Variants in GUCY1A2 observed in about 807,000 individuals in gnomAD.
GUCY1A2 encodes the protein guanylate cyclase 1 soluble subunit alpha 2.
Under a neutral mutation model 63.5 loss-of-function variants are expected in GUCY1A2, and 27 were observed. That is an observed-to-expected ratio of 0.43 (90% CI 0.31 to 0.59). The LOEUF (loss-of-function observed/expected upper bound fraction) is 0.59, where lower values mean the gene tolerates loss of function less well. Ranked by LOEUF, GUCY1A2 falls within the 20% of genes least tolerant of loss-of-function variation. GUCY1A2 has a pLI of 0.11. For synonymous variants in GUCY1A2, 364 were observed against 343.5 expected (o/e 1.06, Z -0.66); for missense variants, 768 against 913.3 (o/e 0.84, Z 2.05).
Position 106,687,747 on chromosome 11 carries a change from T to C in GUCY1A2, c.2001A>G (p.Lys667=). 2 of 1,605,642 alleles carry C rather than the reference T, an allele frequency of 1.2e-6. No homozygotes were observed. The highest frequency in any genetic ancestry group is 1.1e-5 in the South Asian group (1 of 90,934). Reference sequence around the variant, plus strand: ...GAATGAATGTGAAACTTTCTTCTCGTTTTAATAATCTAAGAAGAAAATACA... The same window carrying C: ...GAATGAATGTGAAACTTTCTTCTCGCTTTAATAATCTAAGAAGAAAATACA... The part of the protein sequence containing the change: ...NVSPTTYQLL[K]REESFTFIPR... Residue 667 remains lysine (K), a synonymous_variant, in exon 8 of 8, where the codon AAA becomes AAG. Transcript: ENST00000526355.
intron 4 of GUCY1A2, among the ~76,000 whole-genome samples, chr11:106,869,260 G>T (rs1231417024): frequency 6.6e-6 from 1 of 152,122 alleles, no homozygotes; most frequent in African/African-American, 2.4e-5. Context: ...TGACAAATGG[G>T]ATCTAATTAA....
At position 106,687,718 on chromosome 11, in the gene GUCY1A2, C is replaced by T. The variant is rs1390362284; in HGVS notation, c.2030G>A (p.Arg677Gln). ...KREESFTFIP[R>Q]SREELPDNFP... Reference sequence around the variant, plus strand: ...GTTGTCTGGAAGCTCTTCACGAGACCGCGGAATGAATGTGAAACTTTCTTC... The same window carrying T: ...GTTGTCTGGAAGCTCTTCACGAGACTGCGGAATGAATGTGAAACTTTCTTC... Residue 677 changes from arginine to glutamine, a missense_variant, in exon 8 of 8, where the codon CGG becomes CAG. Arg to Gln is a conservative substitution (Grantham distance 43). Transcript: ENST00000526355. 2.5e-6 allele frequency: 4 copies of T among 1,612,704 alleles called. No homozygotes were observed. The highest frequency in any genetic ancestry group is 3.3e-5 in the Admixed American group (2 of 59,960).
intron 4 of GUCY1A2, among the ~76,000 whole-genome samples, chr11:106,917,782 G>A (rs1265838563): frequency 2.8e-5 from 3 of 108,016 alleles, no homozygotes; most frequent in Admixed American, 9.6e-5. Context: ...ATCACACACC[G>A]GGGCCTGTTG....
rs1405470064 is a variant in GUCY1A2 at position 106,685,834 on chromosome 11, G to A, written c.*1715C>T. 8.9e-6 allele frequency: 2 copies of A among 225,468 alleles called. No individual in the cohort carries two copies. Among genetic ancestry groups the A allele is most frequent in the East Asian group, 6.4e-5 (1 of 15,664 alleles). 14.0% of individuals were successfully genotyped at this position (225,468 alleles called of 1,614,324 possible). A position where few individuals can be genotyped will look rare whatever the true frequency, so the allele number is the denominator to read the frequency against. On this transcript the variant is annotated 3_prime_UTR_variant, in exon 8 of 8. Coordinates refer to ENST00000526355, the MANE Select transcript of GUCY1A2 (RefSeq NM_000855.3). ...CACTCGTGTCCTTGTAAACCCCCAGGGCAAGAAAATAACTCAAATTATAAA... is the reference window on the plus strand; with the variant it reads ...CACTCGTGTCCTTGTAAACCCCCAGAGCAAGAAAATAACTCAAATTATAAA...
chr11:106,809,926 T>C, intron 5 of GUCY1A2, 67 bp downstream of exon 5: 3 of 902,834 alleles, frequency 3.3e-6, no homozygotes, highest in Non-Finnish European at 4.9e-6. Flanking sequence ...AGTAAAAAAA[T>C]CAATTTAATT....
chr11:106,787,630 A>G (rs963592547), intron 5 of GUCY1A2, among the ~76,000 whole-genome samples: 3 of 109,486 alleles, frequency 2.7e-5, no homozygotes, highest in South Asian at 3.4e-4. Flanking sequence ...AGAGAAAAAG[A>G]AGGAAGTTTG....
At chr11:106,823,954 G>T in intron 4 of GUCY1A2, 2 of 507,952 alleles carry the variant, frequency 3.9e-6, no homozygotes, top group Non-Finnish European at 3.3e-6. Flanking sequence ...ATTATTTCAA[G>T]TCAATGTATT....
Position 106,687,669 on chromosome 11 carries a change from G to T in GUCY1A2, c.2079C>A (p.Ile693=). 1 of 1,613,034 alleles carries T rather than the reference G, an allele frequency of 6.2e-7. No homozygotes were observed. Among genetic ancestry groups the T allele is most frequent in the Non-Finnish European group, 8.5e-7 (1 of 1,179,014 alleles). Residue 693 remains isoleucine, a synonymous_variant, in exon 8 of 8, where the codon ATC becomes ATA. Transcript: ENST00000526355. ...CAGTCCTTACCTCCAGGAAATAGCA[G>T]ATCCCAGGAATTTCCTTTGGAAAGT... ...PDNFPKEIPG[I]CYFLEVRTGP...
intron 4 of GUCY1A2, among the ~76,000 whole-genome samples, chr11:106,851,380 T>C (rs1859353085): frequency 6.6e-6 from 1 of 151,908 alleles, no homozygotes; most frequent in Non-Finnish European, 1.5e-5. Context: ...CTATATTTCT[T>C]TTTTGTCACC....
chr11:106,935,957 G>T (rs1860671238), intron 4 of GUCY1A2, among the ~76,000 whole-genome samples: 1 of 151,968 alleles, frequency 6.6e-6, no homozygotes, highest in South Asian at 2.1e-4. Context: ...ATATTAGTTT[G>T]TCTAGGTTCA....
chr11:106,972,184 A>G (rs1414317550), intron 3 of GUCY1A2, among the ~76,000 whole-genome samples: 1 of 152,164 alleles, frequency 6.6e-6, no homozygotes, highest in Non-Finnish European at 1.5e-5. Context: ...AAAACTAAGG[A>G]TATTGAAATA....
rs752661539 is a variant in GUCY1A2, at chr11:107,017,874, G to A, written c.182C>T (p.Pro61Leu). Residue 61 changes from proline to leucine, a missense_variant, in exon 1 of 8, where the codon CCG (proline) becomes CTG (leucine). By Grantham distance (98) the Pro-to-Leu change is moderately conservative. Coordinates refer to ENST00000526355, the MANE Select transcript of GUCY1A2 (RefSeq NM_000855.3). ...AAAAAAAAPA[P>L]TPAASAAAAA... ...GGCGGCGGCAGAAGCAGCCGGGGTC[G>A]GGGCCGGGGCGGCGGCAGCGGCAGC... 9.6e-6 allele frequency: 12 copies of A among 1,248,576 alleles called. No individual in the cohort carries two copies. Among genetic ancestry groups the A allele is most frequent in the Non-Finnish European group, 1.0e-6 (1 of 994,422 alleles). The allele number at this position is 1,248,576 out of a possible 1,614,324, so 77.3% of individuals were successfully genotyped here.
intron 2 of GUCY1A2, among the ~76,000 whole-genome samples, chr11:106,979,548 A>G (rs1338047584): frequency 1.3e-5 from 2 of 151,850 alleles, no homozygotes; most frequent in African/African-American, 4.8e-5. Context: ...ACCATTTTCT[A>G]TCTGTGAGAT....
intron 3 of GUCY1A2, among the ~76,000 whole-genome samples, chr11:106,949,112 T>C (rs2120014043): frequency 6.6e-6 from 1 of 152,316 alleles, no homozygotes; most frequent in East Asian, 1.9e-4. Flanking sequence ...TGTGTGTAAG[T>C]TCATAATGCA....
chr11:106,781,047 T>C (rs1017095179), intron 5 of GUCY1A2, among the ~76,000 whole-genome samples: 1 of 150,328 alleles, frequency 6.7e-6, no homozygotes, highest in Non-Finnish European at 1.5e-5. Context: ...ATCAATTCCA[T>C]TGCTCCTGAG....
chr11:106,746,694 A>C (rs1391420435), intron 6 of GUCY1A2: 1 of 1,035,178 alleles, frequency 9.7e-7, no homozygotes, highest in East Asian at 2.4e-5. Flanking sequence ...AAAAATAAAA[A>C]ATCAGTACTG....
intron 4 of GUCY1A2, among the ~76,000 whole-genome samples, chr11:106,896,653 T>C (rs1408247317): frequency 6.6e-6 from 1 of 152,174 alleles, no homozygotes; most frequent in African/African-American, 2.4e-5. Context: ...AAGTGCTCTC[T>C]TGCTATTCCA....
At position 106,951,451 on chromosome 11, in the gene GUCY1A2, GT is replaced by G. The variant is rs1860907568; in HGVS notation, c.488-11274del. On this transcript the variant is annotated intron_variant, in intron 3 of 7. Transcript: ENST00000526355. The stretch of plus-strand genomic sequence containing the variant: ...TCACCATTCTGACTGGCGTGAGATG[GT>G]ATCTCATTGTGCTTTTCATTTGCAT... Among the ~76,000 whole-genome samples, 6 of 152,140 alleles carry G rather than the reference GT, an allele frequency of 3.9e-5. No individual in the cohort carries two copies. In the South Asian group the frequency reaches 1.2e-3, roughly 32 times the overall value.
At chr11:106,893,052 A>C (rs957183900) in intron 4 of GUCY1A2, among the ~76,000 whole-genome samples, 4 of 152,206 alleles carry the variant, frequency 2.6e-5, no homozygotes, top group Admixed American at 1.3e-4. Context: ...AAAGATGTTC[A>C]CATAGGAAAA....
Sources: allele counts gnomAD v4.1 joint callset (sites outside exome capture counted in the v4.1 genomes callset), GRCh38; gene constraint gnomAD v4.1.1; transcripts MANE v1.5; gene names NCBI Gene and HGNC (gene_info 2026-07-23, HGNC 2026-07-21).